The following KMT2C variants were observed in gnomAD, a reference collection of about 807,000 sequenced individuals.
KMT2C encodes the protein histone-lysine N-methyltransferase 2C.
A neutral mutation model predicts 507.9 loss-of-function variants in KMT2C; 88 were observed. The observed-to-expected ratio is 0.17, with a 90% CI of 0.15 to 0.21. The LOEUF (loss-of-function observed/expected upper bound fraction) is 0.21. KMT2C is among the 10% of genes least tolerant of loss of function. KMT2C has a pLI of 1.00. For synonymous variants in KMT2C, 2,049 were observed against 2,080.8 expected, an observed-to-expected ratio of 0.98 and a Z score of 0.42; for missense variants, 4,954 against 5,957.8, an observed-to-expected ratio of 0.83 and a Z score of 5.55.
intron 2 of KMT2C, among the ~76,000 whole-genome samples, chr7:152,340,830 T>C (rs1260278945): frequency 1.3e-5 from 2 of 152,126 alleles, no homozygotes; most frequent in Non-Finnish European, 2.9e-5. Flanking sequence ...CCAATACTTG[T>C]CAAAAGCCAA....
At chr7:152,417,250 C>A (rs2097748591) in intron 1 of KMT2C, among the ~76,000 whole-genome samples, 1 of 152,088 alleles carries the variant, frequency 6.6e-6, no homozygotes, top group Admixed American at 6.6e-5. Context: ...TCCCAAGTAG[C>A]TGGGATTACA....
chr7:152,145,298 G>A lies in KMT2C; in HGVS notation c.14032-3C>T. On this transcript the variant is annotated splice_polypyrimidine_tract_variant and splice_region_variant and intron_variant, in intron 53 of 58. Coordinates refer to ENST00000262189, the MANE Select transcript of KMT2C (RefSeq NM_170606.3). ...TCACATGCCTCAACCCCAGGAAGCT[G>A]AAAAGAAGCAAAGCAGACACAAAGT... 6.2e-7 allele frequency: 1 copy of A among 1,613,530 alleles called. No homozygotes were observed. Among genetic ancestry groups the A allele is most frequent in the Non-Finnish European group, 8.5e-7 (1 of 1,179,760 alleles).
intron 2 of KMT2C, among the ~76,000 whole-genome samples, chr7:152,357,393 G>A (rs1373459230): frequency 1.3e-5 from 2 of 152,010 alleles, no homozygotes; most frequent in African/African-American, 4.8e-5. Flanking sequence ...GTGTGGTGGC[G>A]GGCGCCTGTA....
intron 2 of KMT2C, among the ~76,000 whole-genome samples, chr7:152,356,295 C>T (rs970125801): frequency 3.2e-4 from 49 of 152,100 alleles, no homozygotes; most frequent in African/African-American, 9.7e-4. Flanking sequence ...AATCAAAGGG[C>T]CGGGCATAGT....
intron 1 of KMT2C, among the ~76,000 whole-genome samples, chr7:152,420,140 T>C (rs1328369627): frequency 4.6e-5 from 7 of 152,248 alleles, no homozygotes; most frequent in East Asian, 1.9e-4. Context: ...TTCTCAGTAT[T>C]TGATTTTGCC....
chr7:152,240,791 C>T (rs1395409752), intron 14 of KMT2C, among the ~76,000 whole-genome samples: 1 of 152,172 alleles, frequency 6.6e-6, no homozygotes, highest in Non-Finnish European at 1.5e-5. Flanking sequence ...TGTCTCCAAT[C>T]CTTCTACTTC....
At chr7:152,161,891 A>T (rs963343681) in intron 43 of KMT2C, among the ~76,000 whole-genome samples, 9 of 152,252 alleles carry the variant, frequency 5.9e-5, no homozygotes, top group Non-Finnish European at 1.2e-4. Context: ...GAAATGCAAT[A>T]CATGCCTTTG....
chr7:152,249,984 G>GCTTA, intron 12 of KMT2C, 31 bp from the exon 13 acceptor site: 3 of 1,437,862 alleles, frequency 2.1e-6, no homozygotes, highest in Non-Finnish European at 2.9e-6. Flanking sequence ...AAATCTCTAA[G>GCTTA]GAGTCAAAAT....
chr7:152,310,101 CA>C, intron 5 of KMT2C, 26 bp from the exon 6 acceptor site: 1 of 1,431,484 alleles, frequency 7.0e-7, no homozygotes, highest in Non-Finnish European at 9.7e-7. Context: ...TGAAAAGGAG[CA>C]AATGAGCAAA....
rs182590584 is a variant in KMT2C at position 152,427,127 on chromosome 7, T to C, written c.161+8499A>G. 2.0e-5 allele frequency among the ~76,000 whole-genome samples: 3 copies of C among 152,208 alleles called. No individual in the cohort carries two copies. In the East Asian group the frequency reaches 5.8e-4, roughly 29 times the overall value. The stretch of plus-strand genomic sequence containing the variant: ...GCCACCCAGGTTCAAGCAATTCTCC[T>C]GCCTCAGCCTCCCGAGTAGCTGGGA... On this transcript the variant is annotated intron_variant, in intron 1 of 58. Coordinates refer to ENST00000262189, the MANE Select transcript of KMT2C (RefSeq NM_170606.3).
At chr7:152,253,141 C>A (rs2095587470) in intron 9 of KMT2C, among the ~76,000 whole-genome samples, 1 of 152,076 alleles carries the variant, frequency 6.6e-6, no homozygotes, top group Non-Finnish European at 1.5e-5. Flanking sequence ...AGGTGTGAGC[C>A]ACTGCGCCTG....
At chr7:152,343,476 T>C (rs921038553) in intron 2 of KMT2C, among the ~76,000 whole-genome samples, 3 of 135,384 alleles carry the variant, frequency 2.2e-5, no homozygotes, top group Admixed American at 1.4e-4. Context: ...AAGAACAGAA[T>C]GTTTAATACA....
At chr7:152,301,913 T>C (rs543160627) in intron 6 of KMT2C, among the ~76,000 whole-genome samples, 2 of 152,326 alleles carry the variant, frequency 1.3e-5, no homozygotes, top group East Asian at 3.9e-4. Context: ...GGAGAGACTT[T>C]TACTATACAC....
intron 39 of KMT2C, among the ~76,000 whole-genome samples, chr7:152,172,951 A>T (rs968202037): frequency 1.3e-5 from 2 of 152,202 alleles, no homozygotes; most frequent in African/African-American, 4.8e-5. Context: ...CTATATTTCA[A>T]GTATAATCAT....
At chr7:152,386,578 C>T (rs202118096) in intron 1 of KMT2C, among the ~76,000 whole-genome samples, 2,945 of 123,906 alleles carry the variant, frequency 0.024, no homozygotes, top group South Asian at 0.098. Flanking sequence ...TGTACTACTC[C>T]CAGGCCTTGT....
chr7:152,271,823 A>C (rs1456956989), intron 7 of KMT2C, among the ~76,000 whole-genome samples: 1 of 151,938 alleles, frequency 6.6e-6, no homozygotes, highest in Non-Finnish European at 1.5e-5. Context: ...CTTTAAGATA[A>C]TTTTTCATTG....
At chr7:152,159,260 G>A (rs1476947190) in intron 43 of KMT2C, among the ~76,000 whole-genome samples, 188 bp from the exon 44 acceptor site, 1 of 152,204 alleles carries the variant, frequency 6.6e-6, no homozygotes, top group African/African-American at 2.4e-5. Context: ...CGTTATTCTC[G>A]AGTATGGAAA....
At chr7:152,312,562 T>C (rs7787666) in intron 4 of KMT2C, among the ~76,000 whole-genome samples, 21,133 of 152,048 alleles carry the variant, frequency 0.14, 3,865 homozygotes, top group African/African-American at 0.42. Flanking sequence ...CAAGACTGTA[T>C]GTCACAAATT....
chr7:152,372,756 C>T (rs1164264504), intron 1 of KMT2C, among the ~76,000 whole-genome samples: 1 of 152,070 alleles, frequency 6.6e-6, no homozygotes, highest in African/African-American at 2.4e-5. Flanking sequence ...AATAGCAATA[C>T]CGTAATAGTG....
Sources: gnomAD v4.1 joint callset for allele counts (sites outside exome capture counted in the v4.1 genomes callset) on GRCh38, gnomAD v4.1.1 for gene constraint, MANE v1.5 for transcripts, NCBI Gene and HGNC (gene_info 2026-07-23, HGNC 2026-07-21) for gene names.